Variants in PRSS12 observed in about 807,000 individuals in gnomAD.
PRSS12 encodes the protein serine protease 12, also known as neurotrypsin.
In PRSS12, 85 loss-of-function variants were observed where a neutral mutation model predicts 104.4. That is an observed-to-expected ratio of 0.81 (90% CI 0.68 to 0.98). The LOEUF is 0.98. Among genes scored for constraint, PRSS12 ranks in the 50% least tolerant of loss-of-function variants. The pLI is 0.00. For synonymous variants in PRSS12, 454 were observed against 425.2 expected (o/e 1.07, Z -0.83); for missense variants, 1,141 against 1,139.2 (o/e 1.00, Z -0.02).
Position 118,283,957 on chromosome 4 carries a change from G to C in PRSS12, c.2040-846C>G, listed in dbSNP as rs564219373. ...GGAATGCAAAAAATTGATTAAGTTA[G>C]TGAATGCTTATTATTAATGTATACT... On this transcript the variant is annotated intron_variant, in intron 11 of 12. Transcript: ENST00000296498. Among the ~76,000 whole-genome samples the C allele has an allele frequency of 2.6e-5, 4 of 152,252 alleles. No individual in the cohort carries two copies. In the South Asian group the frequency reaches 8.3e-4, roughly 32 times the overall value.
chr4:118,332,515 T>C (rs1215929485), intron 3 of PRSS12, among the ~76,000 whole-genome samples: 2 of 152,178 alleles, frequency 1.3e-5, no homozygotes, highest in Non-Finnish European at 2.9e-5. Context: ...TGAACTTCTC[T>C]GTCTCTTCTC....
chr4:118,294,530 C>T (rs550135085), intron 11 of PRSS12, among the ~76,000 whole-genome samples: 1 of 152,296 alleles, frequency 6.6e-6, no homozygotes, highest in African/African-American at 2.4e-5. Context: ...CAACCTTTCT[C>T]AAAGGTACAA....
chr4:118,286,072 T>G (rs1312746708), intron 11 of PRSS12, among the ~76,000 whole-genome samples: 1 of 152,226 alleles, frequency 6.6e-6, no homozygotes, highest in East Asian at 1.9e-4. Flanking sequence ...CCTTAATGTG[T>G]CATTTCATGC....
chr4:118,331,424 T>A (rs80015778), intron 4 of PRSS12, among the ~76,000 whole-genome samples: 2 of 152,258 alleles, frequency 1.3e-5, no homozygotes, highest in East Asian at 3.9e-4. Context: ...GTCACTATAG[T>A]TTACAGTGCT....
At chr4:118,331,287 TC>T (rs1723910067) in intron 4 of PRSS12, among the ~76,000 whole-genome samples, 1 of 152,216 alleles carries the variant, frequency 6.6e-6, no homozygotes, top group South Asian at 2.1e-4. Context: ...TTAATAAATA[TC>T]CTTTGTTCTA....
In PRSS12 at chr4:118,280,309, T is replaced by C. The variant is rs1742808869; in HGVS notation, c.*1627A>G. 6.6e-6 allele frequency: 1 copy of C among 152,252 alleles called. No individual in the cohort carries two copies. The highest frequency in any genetic ancestry group is 2.1e-4 in the South Asian group (1 of 4,836). 9.4% of individuals were successfully genotyped at this position (152,252 alleles called of 1,614,324 possible). On this transcript the variant is annotated 3_prime_UTR_variant, in exon 13 of 13. Coordinates refer to ENST00000296498, the MANE Select transcript of PRSS12 (RefSeq NM_003619.4). ...TTTTCTCACCTATATTGCACGTTTTTCTGAAGCCCTTGTGCAAGTGTGTGT... is the reference window on the plus strand; with the variant it reads ...TTTTCTCACCTATATTGCACGTTTTCCTGAAGCCCTTGTGCAAGTGTGTGT...
At chr4:118,320,295 T>A (rs556113865) in intron 4 of PRSS12, among the ~76,000 whole-genome samples, 1 of 152,274 alleles carries the variant, frequency 6.6e-6, no homozygotes, top group South Asian at 2.1e-4. Flanking sequence ...GAAAAAAAAG[T>A]GTGCTAAATG....
intron 3 of PRSS12, among the ~76,000 whole-genome samples, chr4:118,334,069 A>C (rs1724001372): frequency 6.6e-6 from 1 of 152,220 alleles, no homozygotes; most frequent in Non-Finnish European, 1.5e-5. Flanking sequence ...TAAGGGAAGT[A>C]TACTAAAGAT....
At chr4:118,348,835 G>T (rs1323482452) in intron 1 of PRSS12, among the ~76,000 whole-genome samples, 1 of 152,040 alleles carries the variant, frequency 6.6e-6, no homozygotes, top group African/African-American at 2.4e-5. Flanking sequence ...ATTTTTAGTA[G>T]AGACAGGGGT....
In PRSS12 at chr4:118,352,854, CCCTCGCCTCCCCAA is replaced by C; in HGVS notation, c.-148_-135del. On this transcript the variant is annotated 5_prime_UTR_variant, in exon 1 of 13. Transcript: ENST00000296498. ...CCCTCCCGCCCCCGCACGCGGACCG[CCCTCGCCTCCCCAA>C]CCTTGCCTCCCGCCGCTGGTGCCCT... 6.8e-7 allele frequency: 1 copy of C among 1,473,128 alleles called. No homozygotes were observed. Among genetic ancestry groups the C allele is most frequent in the Non-Finnish European group, 9.0e-7 (1 of 1,112,564 alleles). 91.3% of individuals were successfully genotyped at this position (1,473,128 alleles called of 1,614,324 possible). A position where few individuals can be genotyped will look rare whatever the true frequency, so the allele number is the denominator to read the frequency against.
At chr4:118,297,925 G>T (rs191213711) in intron 9 of PRSS12, among the ~76,000 whole-genome samples, 2 of 152,142 alleles carry the variant, frequency 1.3e-5, no homozygotes, top group Admixed American at 1.3e-4. Flanking sequence ...ATCATCTGAG[G>T]TCAGGAGTTC....
intron 4 of PRSS12, among the ~76,000 whole-genome samples, chr4:118,324,836 C>T (rs1353490285): frequency 6.6e-6 from 1 of 152,036 alleles, no homozygotes; most frequent in Non-Finnish European, 1.5e-5. Flanking sequence ...CCTCAACCTC[C>T]TGAGTAGCTG....
At chr4:118,301,557 A>G (rs781252635) in intron 8 of PRSS12, among the ~76,000 whole-genome samples, 1 of 152,148 alleles carries the variant, frequency 6.6e-6, no homozygotes, top group Non-Finnish European at 1.5e-5. Flanking sequence ...TTTTACTAGC[A>G]TAGTATTTAA....
At chr4:118,284,920 GTGAACTTAGAAC>G (rs1742980959) in intron 11 of PRSS12, among the ~76,000 whole-genome samples, 1 of 152,264 alleles carries the variant, frequency 6.6e-6, no homozygotes, top group Middle Eastern at 3.4e-3. Flanking sequence ...GTACTTGAAT[GTGAACTTAGAAC>G]TGAGTTGGTA....
intron 11 of PRSS12, among the ~76,000 whole-genome samples, chr4:118,283,759 ATCTCT>A (rs1368545334): frequency 1.3e-5 from 2 of 152,070 alleles, no homozygotes; most frequent in Non-Finnish European, 2.9e-5. Flanking sequence ...AATATCATTC[ATCTCT>A]ACTTTTCCTC....
At chr4:118,283,187 G>C (rs1293978870) in intron 11 of PRSS12, 76 bp from the exon 12 acceptor site, 12 of 1,534,542 alleles carry the variant, frequency 7.8e-6, no homozygotes. Context: ...GACTAATGAA[G>C]ATACAAGCCT....
chr4:118,338,110 T>C (rs1724106230), intron 2 of PRSS12, 66 bp downstream of exon 2: 1 of 1,592,326 alleles, frequency 6.3e-7, no homozygotes, highest in Admixed American at 1.7e-5. Context: ...TACAAAGCAA[T>C]GACGGGCACC....
At chr4:118,299,314 G>C (rs1743333424) in intron 8 of PRSS12, among the ~76,000 whole-genome samples, 1 of 152,082 alleles carries the variant, frequency 6.6e-6, no homozygotes, top group South Asian at 2.1e-4. Context: ...ATATTGCAAA[G>C]AAAACAATGA....
At chr4:118,298,631 C>T (rs974340188) in intron 9 of PRSS12, 102 bp downstream of exon 9, 17 of 1,184,510 alleles carry the variant, frequency 1.4e-5, no homozygotes, top group African/African-American at 4.5e-5. Context: ...GATCTGTATA[C>T]GTTCTTGTTG....
Sources: gnomAD v4.1 joint callset for allele counts (sites outside exome capture counted in the v4.1 genomes callset) on GRCh38, gnomAD v4.1.1 for gene constraint, MANE v1.5 for transcripts, NCBI Gene and HGNC (gene_info 2026-07-23, HGNC 2026-07-21) for gene names.